PLXDC2: variants seen among roughly 807,000 people sequenced by gnomAD.
PLXDC2 encodes the protein plexin domain containing 2, also known as plexin domain-containing protein 2.
PLXDC2 carries 40 observed loss-of-function variants against 68.9 expected under a neutral mutation model. That is an observed-to-expected ratio of 0.58 (90% CI 0.45 to 0.76). The LOEUF is 0.76. Ranked by LOEUF, PLXDC2 falls within the 30% of genes least tolerant of loss-of-function variation. The pLI is 0.00. For synonymous variants in PLXDC2, 243 were observed against 234.2 expected (o/e 1.04, Z -0.34); for missense variants, 644 against 661.9 (o/e 0.97, Z 0.30).
At chr10:20,107,132 A>G (rs529364110) in intron 4 of PLXDC2, among the ~76,000 whole-genome samples, 1 of 150,612 alleles carries the variant, frequency 6.6e-6, no homozygotes, top group East Asian at 1.9e-4. Flanking sequence ...TATACTATAT[A>G]CTATGTATTC....
At chr10:20,052,444 G>A (rs1229490984) in intron 3 of PLXDC2, among the ~76,000 whole-genome samples, 1 of 151,984 alleles carries the variant, frequency 6.6e-6, no homozygotes, top group East Asian at 1.9e-4. Context: ...AGGGGGCTGA[G>A]TAATGTCCAC....
chr10:19,916,185 G>GTGACAGGATCATGGCTCA (rs1206370160), intron 1 of PLXDC2, among the ~76,000 whole-genome samples: 1 of 147,766 alleles, frequency 6.8e-6, no homozygotes, highest in Non-Finnish European at 1.5e-5. Flanking sequence ...CTGGAGTACA[G>GTGACAGGATCATGGCTCA]TGACAGGATC....
At chr10:20,081,478 T>G (rs956263848) in intron 4 of PLXDC2, among the ~76,000 whole-genome samples, 2 of 151,526 alleles carry the variant, frequency 1.3e-5, no homozygotes, top group African/African-American at 2.4e-5. Context: ...ATAATAAAAG[T>G]TGTAACCTCC....
intron 4 of PLXDC2, among the ~76,000 whole-genome samples, chr10:20,126,178 T>G (rs1055945651): frequency 2.7e-5 from 4 of 146,736 alleles, no homozygotes; most frequent in African/African-American, 5.0e-5. Flanking sequence ...TATACATATA[T>G]GTTATATAAT....
At chr10:20,167,964 G>A (rs1185597565) in intron 7 of PLXDC2, among the ~76,000 whole-genome samples, 3 of 152,076 alleles carry the variant, frequency 2.0e-5, no homozygotes, top group East Asian at 1.9e-4. Flanking sequence ...CCCCCAAATA[G>A]TAAATGATTT....
At chr10:19,962,270 C>T (rs1372547220) in intron 1 of PLXDC2, among the ~76,000 whole-genome samples, 1 of 148,636 alleles carries the variant, frequency 6.7e-6, no homozygotes, top group Non-Finnish European at 1.5e-5. Context: ...ATCCCAGATC[C>T]TCTGTTTGAA....
At chr10:19,948,615 CT>C (rs1833943349) in intron 1 of PLXDC2, among the ~76,000 whole-genome samples, 1 of 151,888 alleles carries the variant, frequency 6.6e-6, no homozygotes, top group Admixed American at 6.6e-5. Context: ...GTTTAATGCT[CT>C]GAGCTCTGAA....
At chr10:19,819,891 GAT>G (rs1836431065) in intron 1 of PLXDC2, among the ~76,000 whole-genome samples, 1 of 152,166 alleles carries the variant, frequency 6.6e-6, no homozygotes, top group Non-Finnish European at 1.5e-5. Flanking sequence ...AGAGCACAGT[GAT>G]ATAATAGAGG....
intron 3 of PLXDC2, among the ~76,000 whole-genome samples, chr10:20,047,677 T>G (rs1452258458): frequency 6.6e-6 from 1 of 152,126 alleles, no homozygotes; most frequent in African/African-American, 2.4e-5. Context: ...TACATGGTCA[T>G]AAATAGCCTA....
At chr10:19,884,944 G>T (rs1837813895) in intron 1 of PLXDC2, among the ~76,000 whole-genome samples, 2 of 152,178 alleles carry the variant, frequency 1.3e-5, no homozygotes, top group South Asian at 4.1e-4. Context: ...TTCCACAAGG[G>T]TTGAACTAGT....
intron 12 of PLXDC2, among the ~76,000 whole-genome samples, chr10:20,226,041 A>ACTTG (rs1835281955): frequency 6.6e-6 from 1 of 152,204 alleles, no homozygotes; most frequent in African/African-American, 2.4e-5. Flanking sequence ...TGGAGTATCA[A>ACTTG]GAGTTGAATG....
rs1225485139 is a variant in PLXDC2, at chr10:19,960,479, T to C, written c.113-41296T>C. ...GCAGTGTCTTTTGGGCAGTCCAACC[T>C]GTTACATTTGTGAGGATGGGGCCTC... is the stretch of plus-strand genomic sequence containing the variant. On this transcript the variant is annotated intron_variant, in intron 1 of 13. Coordinates refer to ENST00000377252, the MANE Select transcript of PLXDC2 (RefSeq NM_032812.9). 2.0e-5 allele frequency among the ~76,000 whole-genome samples: 3 copies of C among 152,322 alleles called. 1 individual carries two copies. Among genetic ancestry groups the C allele is most frequent in the East Asian group, 3.9e-4 (2 of 5,186 alleles).
intron 5 of PLXDC2, 130 bp from the exon 6 acceptor site, chr10:20,147,654 A>T (rs1318359887): frequency 1.7e-6 from 1 of 579,582 alleles, no homozygotes; most frequent in Non-Finnish European, 3.1e-6. Context: ...TTGATTAACC[A>T]CATAAAATCG....
At chr10:20,104,123 A>T (rs956980794) in intron 4 of PLXDC2, among the ~76,000 whole-genome samples, 1 of 152,194 alleles carries the variant, frequency 6.6e-6, no homozygotes, top group African/African-American at 2.4e-5. Flanking sequence ...GTCTGAACAT[A>T]GGTGGTAGAT....
At chr10:19,847,514 A>G (rs1373240640) in intron 1 of PLXDC2, among the ~76,000 whole-genome samples, 1 of 152,186 alleles carries the variant, frequency 6.6e-6, no homozygotes, top group Non-Finnish European at 1.5e-5. Context: ...GGAATGTATA[A>G]GAAGAACTCT....
chr10:20,045,027 A>C (rs186500605), intron 2 of PLXDC2, among the ~76,000 whole-genome samples: 9 of 152,276 alleles, frequency 5.9e-5, no homozygotes, highest in East Asian at 5.8e-4. Flanking sequence ...AACCCATTGA[A>C]GTTTCAGAGC....
chr10:19,930,152 G>A (rs1425290373), intron 1 of PLXDC2, among the ~76,000 whole-genome samples: 1 of 151,806 alleles, frequency 6.6e-6, no homozygotes, highest in African/African-American at 2.4e-5. Flanking sequence ...TACACAGCAG[G>A]CATTATACTC....
intron 1 of PLXDC2, among the ~76,000 whole-genome samples, chr10:19,954,746 C>CA (rs1564638266): frequency 1.3e-5 from 2 of 152,122 alleles, no homozygotes; most frequent in Non-Finnish European, 2.9e-5. Flanking sequence ...GAAATTGTTT[C>CA]AAACTGGTTA....
chr10:19,986,034 A>C (rs537605319), intron 1 of PLXDC2, among the ~76,000 whole-genome samples: 1 of 152,138 alleles, frequency 6.6e-6, no homozygotes, highest in Non-Finnish European at 1.5e-5. Flanking sequence ...TCTGCAAACC[A>C]CTGGGAAGCC....
Sources: gnomAD v4.1 joint callset for allele counts (sites outside exome capture counted in the v4.1 genomes callset) on GRCh38, gnomAD v4.1.1 for gene constraint, MANE v1.5 for transcripts, NCBI Gene and HGNC (gene_info 2026-07-23, HGNC 2026-07-21) for gene names.